TIAM1: variants seen among roughly 807,000 people sequenced by gnomAD.
The protein encoded by TIAM1 is rho guanine nucleotide exchange factor TIAM1.
TIAM1 carries 65 observed loss-of-function variants against 163.5 expected under a neutral mutation model. That is an observed-to-expected ratio of 0.40 (90% confidence interval 0.33 to 0.49). The LOEUF is 0.49. Among genes scored for constraint, TIAM1 ranks in the 20% least tolerant of loss-of-function variants. TIAM1 has a pLI of 0.77. For missense variants in TIAM1, 1,789 were observed against 2,044.7 expected (o/e 0.87, Z 2.41); for synonymous variants, 833 against 810.1 (o/e 1.03, Z -0.48).
rs941447475 is a variant in TIAM1 at position 31,252,313 on chromosome 21, G to A, written c.964-124C>T. On this transcript the variant is annotated intron_variant, in intron 4 of 27. Transcript: ENST00000541036. ...AGCAGCGGGATACGCATAAGGCACA[G>A]CCACTCCTGACGGCTCCTGGACCAG... is the stretch of plus-strand genomic sequence containing the variant. 3 of 1,042,836 alleles carry A rather than the reference G, an allele frequency of 2.9e-6. No individual in the cohort carries two copies. In the Admixed American group the frequency reaches 7.0e-5, roughly 24 times the overall value. The allele number at this position is 1,042,836 out of a possible 1,614,324, so 64.6% of individuals were successfully genotyped here.
chr21:31,337,515 G>GTTATTATTATTA (rs1469371170), intron 2 of TIAM1, among the ~76,000 whole-genome samples: 5 of 99,336 alleles, frequency 5.0e-5, no homozygotes, highest in South Asian at 7.8e-4. Flanking sequence ...TATTATTATT[G>GTTATTATTATTA]TTGTTATTAT....
intron 2 of TIAM1, among the ~76,000 whole-genome samples, chr21:31,294,176 G>T (rs889892228): frequency 1.3e-5 from 2 of 152,188 alleles, no homozygotes; most frequent in Non-Finnish European, 2.9e-5. Context: ...GGGGAGGGAG[G>T]TTGGAATGAT....
chr21:31,486,765 C>G (rs2046285795), intron 1 of TIAM1, among the ~76,000 whole-genome samples: 2 of 152,202 alleles, frequency 1.3e-5, no homozygotes, highest in Admixed American at 6.5e-5. Flanking sequence ...AGTCCCAGGG[C>G]AGAAGCACTT....
intron 2 of TIAM1, among the ~76,000 whole-genome samples, chr21:31,298,584 G>T (rs1309861354): frequency 1.3e-5 from 2 of 151,982 alleles, no homozygotes; most frequent in Non-Finnish European, 2.9e-5. Flanking sequence ...CTCTCTAATT[G>T]TCTGTCTTCC....
intron 8 of TIAM1, among the ~76,000 whole-genome samples, chr21:31,220,721 T>A (rs1375726636): frequency 6.6e-6 from 1 of 152,208 alleles, no homozygotes; most frequent in African/African-American, 2.4e-5. Flanking sequence ...AAGACAATAA[T>A]GACTCAAAAT....
At chr21:31,370,775 T>C (rs945058377) in intron 2 of TIAM1, among the ~76,000 whole-genome samples, 2 of 152,190 alleles carry the variant, frequency 1.3e-5, no homozygotes, top group African/African-American at 4.8e-5. Flanking sequence ...AAAATGTTGT[T>C]TCCTTTTTGA....
At chr21:31,491,657 GAGA>G (rs1229748315) in intron 1 of TIAM1, among the ~76,000 whole-genome samples, 1 of 152,218 alleles carries the variant, frequency 6.6e-6, no homozygotes, top group Non-Finnish European at 1.5e-5. Context: ...GTGGCCATCT[GAGA>G]AGGAGCAGTG....
In TIAM1 at chr21:31,190,238, T is replaced by A. The variant is rs577839784; in HGVS notation, c.2576-3151A>T. Among the ~76,000 whole-genome samples, 16 of 152,236 alleles carry A rather than the reference T, an allele frequency of 1.1e-4. No individual in the cohort carries two copies. The South Asian group carries it at 3.1e-3, about 30-fold the overall frequency. Reference sequence around the variant, plus strand: ...CCTGGCAACACAGTGAGACCCTGTCTCTACAAAATTTTTTTTAAAAAATTA... The same window carrying A: ...CCTGGCAACACAGTGAGACCCTGTCACTACAAAATTTTTTTTAAAAAATTA... On this transcript the variant is annotated intron_variant, in intron 13 of 27. Coordinates refer to ENST00000541036, the MANE Select transcript of TIAM1 (RefSeq NM_001353694.2).
intron 16 of TIAM1, among the ~76,000 whole-genome samples, chr21:31,156,581 A>C (rs1030409899): frequency 1.3e-5 from 2 of 152,244 alleles, no homozygotes; most frequent in African/African-American, 4.8e-5. Context: ...AATCATCATT[A>C]AATATACAGT....
At chr21:31,348,398 G>A (rs945754076), upstream of TIAM1, among the ~76,000 whole-genome samples, 3 of 152,168 alleles carry the variant, frequency 2.0e-5, no homozygotes, top group African/African-American at 7.2e-5. Flanking sequence ...CAGCAGCAAG[G>A]CCAGGGAAGA....
chr21:31,266,368 G>C lies in TIAM1; in HGVS notation c.605C>G (p.Ser202Cys). Residue 202 changes from serine (S) to cysteine (C), a missense_variant, in exon 4 of 28, where the codon TCC (serine) becomes TGC (cysteine). By Grantham distance (112) the Ser-to-Cys change is moderately radical. Around this residue, in one of 5 missense-constraint regions of TIAM1, gnomAD observed 555 missense variants for 564.9 expected, o/e 0.98. Transcript: ENST00000541036. ...CTCCTCGCAGTCCTTCTCTTCGGCGGAACCCAAGATTTCTTCGTTGCTTGT... is the reference window on the plus strand; with the variant it reads ...CTCCTCGCAGTCCTTCTCTTCGGCGCAACCCAAGATTTCTTCGTTGCTTGT... Reference protein sequence around the residue: ...HLTSNEEILGSAEEKDCEEAR... With the variant: ...HLTSNEEILGCAEEKDCEEAR... 1 of 1,614,214 alleles carries C rather than the reference G, an allele frequency of 6.2e-7. No homozygotes were observed. The highest frequency in any genetic ancestry group is 8.5e-7 in the Non-Finnish European group (1 of 1,180,040).
chr21:31,256,051 A>G (rs1460915405), intron 4 of TIAM1, among the ~76,000 whole-genome samples: 1 of 152,200 alleles, frequency 6.6e-6, no homozygotes, highest in Non-Finnish European at 1.5e-5. Flanking sequence ...TGAGCTGGGC[A>G]ACAAATGCTT....
intron 1 of TIAM1, among the ~76,000 whole-genome samples, chr21:31,476,315 G>C (rs57342441): frequency 6.6e-6 from 1 of 152,068 alleles, no homozygotes; most frequent in Non-Finnish European, 1.5e-5. Flanking sequence ...ATTGATATTT[G>C]TGCTGACAGA....
intron 2 of TIAM1, among the ~76,000 whole-genome samples, chr21:31,407,258 G>C (rs909198263): frequency 2.0e-5 from 3 of 152,038 alleles, no homozygotes; most frequent in African/African-American, 7.3e-5. Context: ...TAAAATCCCT[G>C]GAGTTGTTTA....
At chr21:31,417,817 A>C (rs1278230609) in intron 2 of TIAM1, among the ~76,000 whole-genome samples, 1 of 152,162 alleles carries the variant, frequency 6.6e-6, no homozygotes, top group Non-Finnish European at 1.5e-5. Flanking sequence ...CCACACCTGA[A>C]GGGGGTACAT....
At chr21:31,131,041 T>G (rs773267609) in intron 23 of TIAM1, 93 bp from the exon 24 acceptor site, 5 of 1,024,392 alleles carry the variant, frequency 4.9e-6, no homozygotes, top group Non-Finnish European at 7.5e-6. Context: ...ACTACAGTTA[T>G]GAAGAGGACG....
intron 2 of TIAM1, among the ~76,000 whole-genome samples, chr21:31,374,374 C>T (rs2076650265): frequency 6.6e-6 from 1 of 152,202 alleles, no homozygotes; most frequent in African/African-American, 2.4e-5. Flanking sequence ...TCCCAAACTT[C>T]CTCCGGCTCC....
At chr21:31,402,795 C>CA (rs892993911) in intron 2 of TIAM1, among the ~76,000 whole-genome samples, 2 of 151,334 alleles carry the variant, frequency 1.3e-5, no homozygotes, top group African/African-American at 4.9e-5. Context: ...TAAAAACACA[C>CA]AAAAAAATTA....
intron 1 of TIAM1, among the ~76,000 whole-genome samples, chr21:31,476,786 G>A (rs1228824603): frequency 1.3e-5 from 2 of 152,202 alleles, no homozygotes; most frequent in African/African-American, 4.8e-5. Context: ...ACCCAGGGCA[G>A]TAGAATGCTG....
Sources: gnomAD v4.1 joint callset for allele counts (sites outside exome capture counted in the v4.1 genomes callset) on GRCh38, gnomAD v4.1.1 for gene constraint, gnomAD v4.1.1 regional missense constraint, MANE v1.5 for transcripts, NCBI Gene and HGNC (gene_info 2026-07-23, HGNC 2026-07-21) for gene names.